PTPRO: variants seen among roughly 807,000 people sequenced by gnomAD.
PTPRO encodes the protein protein tyrosine phosphatase receptor type O.
Under a neutral mutation model 145.2 loss-of-function variants are expected in PTPRO, and 62 were observed. The observed-to-expected ratio is 0.43, with a 90% CI of 0.35 to 0.53. The LOEUF is 0.53. PTPRO is among the 20% of genes least tolerant of loss of function. The pLI, the probability that PTPRO is intolerant of heterozygous loss-of-function variation, is 0.01. For missense variants in PTPRO, 1,345 were observed against 1,482.7 expected (o/e 0.91, Z 1.53); for synonymous variants, 565 against 514.7 (o/e 1.10, Z -1.32).
At chr12:15,570,863 C>T (rs1203418079) in intron 19 of PTPRO, among the ~76,000 whole-genome samples, 2 of 152,146 alleles carry the variant, frequency 1.3e-5, no homozygotes, top group African/African-American at 4.8e-5. Flanking sequence ...ACAGCTGGAT[C>T]ATAACCTCTG....
At position 15,368,633 on chromosome 12, in the gene PTPRO, T is replaced by C. The variant is rs961815486; in HGVS notation, c.75+45832T>C. Among the ~76,000 whole-genome samples the C allele has an allele frequency of 3.3e-5, 5 of 152,328 alleles. No individual in the cohort carries two copies. The South Asian group carries it at 1.0e-3, about 32-fold the overall frequency. ...AAGGAATGAATCCATGTTAAGAATATAGATAAATATGAAGTTTATTCATGA... is the reference window on the plus strand; with the variant it reads ...AAGGAATGAATCCATGTTAAGAATACAGATAAATATGAAGTTTATTCATGA... On this transcript the variant is annotated intron_variant, in intron 1 of 26. Transcript: ENST00000281171.
chr12:15,552,220 G>T (rs1943482619), intron 15 of PTPRO, among the ~76,000 whole-genome samples: 1 of 152,142 alleles, frequency 6.6e-6, no homozygotes, highest in Admixed American at 6.5e-5. Context: ...TTTGATTTAT[G>T]ATTTCAGCTC....
chr12:15,520,758 T>C (rs1942700331), intron 10 of PTPRO, among the ~76,000 whole-genome samples: 2 of 152,082 alleles, frequency 1.3e-5, no homozygotes, highest in South Asian at 4.2e-4. Flanking sequence ...AAAAATAGGG[T>C]TTAGAGACAG....
chr12:15,484,927 C>T (rs1215791713), intron 2 of PTPRO, among the ~76,000 whole-genome samples: 1 of 152,122 alleles, frequency 6.6e-6, no homozygotes, highest in African/African-American at 2.4e-5. Flanking sequence ...TAAGATGTGA[C>T]TCTACTGTCT....
intron 12 of PTPRO, among the ~76,000 whole-genome samples, chr12:15,542,460 T>A (rs1943200321): frequency 6.6e-6 from 1 of 152,234 alleles, no homozygotes; most frequent in South Asian, 2.1e-4. Context: ...ATCTAAACCA[T>A]CTTAGGCTGT....
At chr12:15,352,511 T>C (rs1438464459) in intron 1 of PTPRO, among the ~76,000 whole-genome samples, 3 of 150,954 alleles carry the variant, frequency 2.0e-5, no homozygotes, top group South Asian at 4.2e-4. Context: ...ATTAGCCGGG[T>C]GTGGTGGCAG....
At chr12:15,535,315 A>G (rs1277596398) in intron 12 of PTPRO, among the ~76,000 whole-genome samples, 1 of 152,178 alleles carries the variant, frequency 6.6e-6, no homozygotes, top group Non-Finnish European at 1.5e-5. Context: ...GGAAGAAAAG[A>G]GAAGCCCTGG....
chr12:15,550,816 A>C (rs1943436904), intron 14 of PTPRO, among the ~76,000 whole-genome samples: 1 of 152,188 alleles, frequency 6.6e-6, no homozygotes, highest in African/African-American at 2.4e-5. Flanking sequence ...GTTTTATAAG[A>C]ATATTAAACC....
chr12:15,377,325 G>T (rs1340585499), intron 1 of PTPRO, among the ~76,000 whole-genome samples: 4 of 151,892 alleles, frequency 2.6e-5, no homozygotes, highest in Non-Finnish European at 4.4e-5. Flanking sequence ...TACTATAATG[G>T]CAAATGTAAA....
chr12:15,580,031 C>G lies in PTPRO; in HGVS notation c.2921-8C>G. The stretch of plus-strand genomic sequence containing the variant: ...ATTTTAATATTTTTTTCTCCTTATT[C>G]TCTACAGATGACTTCAGCCGTGTGA... On this transcript the variant is annotated splice_region_variant and splice_polypyrimidine_tract_variant and intron_variant, in intron 20 of 26. Coordinates refer to ENST00000281171, the MANE Select transcript of PTPRO (RefSeq NM_030667.3). 1 of 1,610,390 alleles carries G rather than the reference C, an allele frequency of 6.2e-7. No individual in the cohort carries two copies. Among genetic ancestry groups the G allele is most frequent in the South Asian group, 1.1e-5 (1 of 91,036 alleles).
intron 3 of PTPRO, among the ~76,000 whole-genome samples, chr12:15,498,871 T>C (rs548169089): frequency 1.7e-4 from 26 of 152,322 alleles, no homozygotes; most frequent in African/African-American, 6.0e-4. Flanking sequence ...AGTGGTACTT[T>C]TAGTTTTGTT....
At chr12:15,361,629 T>C (rs182331536) in intron 1 of PTPRO, among the ~76,000 whole-genome samples, 73 of 152,232 alleles carry the variant, frequency 4.8e-4, no homozygotes, top group African/African-American at 1.7e-3. Context: ...TACCAAGTGC[T>C]TACTACATTC....
At chr12:15,588,200 C>T (rs1944470285) in intron 24 of PTPRO, among the ~76,000 whole-genome samples, 1 of 152,190 alleles carries the variant, frequency 6.6e-6, no homozygotes, top group South Asian at 2.1e-4. Flanking sequence ...CTGGATATGA[C>T]TTTACAGGTG....
At chr12:15,511,396 A>G (rs1338248541) in intron 7 of PTPRO, among the ~76,000 whole-genome samples, 1 of 152,198 alleles carries the variant, frequency 6.6e-6, no homozygotes, top group Non-Finnish European at 1.5e-5. Context: ...ATTGGGGAGG[A>G]TGGAAATTAG....
At chr12:15,477,721 G>A (rs1205095393) in intron 1 of PTPRO, among the ~76,000 whole-genome samples, 2 of 152,124 alleles carry the variant, frequency 1.3e-5, no homozygotes, top group African/African-American at 4.8e-5. Context: ...CACCAGGACA[G>A]GGGCTGATGA....
intron 1 of PTPRO, among the ~76,000 whole-genome samples, chr12:15,348,970 T>A (rs1476474568): frequency 3.3e-5 from 5 of 152,250 alleles, no homozygotes; most frequent in African/African-American, 9.6e-5. Flanking sequence ...AATGCAGCAC[T>A]GGGCTAAATG....
intron 1 of PTPRO, among the ~76,000 whole-genome samples, chr12:15,466,600 G>A (rs1407440889): frequency 6.6e-6 from 1 of 152,120 alleles, no homozygotes; most frequent in Non-Finnish European, 1.5e-5. Context: ...CACATAGTGT[G>A]TGTAACATCT....
intron 7 of PTPRO, among the ~76,000 whole-genome samples, chr12:15,513,839 T>C (rs1402466080): frequency 1.3e-5 from 2 of 152,256 alleles, no homozygotes; most frequent in Non-Finnish European, 2.9e-5. Flanking sequence ...ATAATTTTAT[T>C]ACCTATATCT....
intron 1 of PTPRO, among the ~76,000 whole-genome samples, chr12:15,425,691 TTCTC>T (rs1191598898): frequency 6.6e-6 from 1 of 152,124 alleles, no homozygotes; most frequent in Admixed American, 6.6e-5. Context: ...TAACCACTGT[TTCTC>T]TCATTTATTT....
Sources: gnomAD v4.1 joint callset for allele counts (sites outside exome capture counted in the v4.1 genomes callset) on GRCh38, gnomAD v4.1.1 for gene constraint, MANE v1.5 for transcripts, NCBI Gene and HGNC (gene_info 2026-07-23, HGNC 2026-07-21) for gene names.